Variants in NSD1 observed in about 807,000 individuals in gnomAD.
NSD1 encodes nuclear receptor binding SET domain protein 1, also known as histone-lysine N-methyltransferase, H3 lysine-36 specific.
Under a neutral mutation model 242.7 loss-of-function variants are expected in NSD1, and 26 were observed. The ratio of observed to expected loss-of-function variants is 0.11; its 90% CI spans 0.08 to 0.15. The LOEUF (loss-of-function observed/expected upper bound fraction) is 0.15, where lower values mean the gene tolerates loss of function less well. NSD1 is among the 10% of genes least tolerant of loss of function. NSD1 has a pLI of 1.00. For synonymous variants in NSD1, 1,106 were observed against 1,178.1 expected (o/e 0.94, Z 1.25); for missense variants, 2,495 against 3,272.8 (o/e 0.76, Z 5.80).
In NSD1 at chr5:177,134,952, G is replaced by T; in HGVS notation, c.-17-135G>T. 1.4e-6 allele frequency: 1 copy of T among 728,812 alleles called. No homozygotes were observed. The highest frequency in any genetic ancestry group is 2.3e-6 in the Non-Finnish European group (1 of 433,938). The allele number at this position is 728,812 out of a possible 1,614,324, so 45.1% of individuals were successfully genotyped here. On this transcript the variant is annotated intron_variant, in intron 1 of 22. Transcript: ENST00000439151. The surrounding 1 kb of genome is among the most constrained non-coding windows in gnomAD (Gnocchi z 4.2). Reference sequence around the variant, plus strand: ...CGAGGCCATTTTTTCATCTCCAGTCGGGGGAACTTTTTCTGCCCATGGAAG... The same window carrying T: ...CGAGGCCATTTTTTCATCTCCAGTCTGGGGAACTTTTTCTGCCCATGGAAG...
chr5:177,165,301 T>C (rs929888242), intron 2 of NSD1, among the ~76,000 whole-genome samples: 8 of 151,790 alleles, frequency 5.3e-5, no homozygotes, highest in African/African-American at 1.7e-4. Context: ...CCTCTGTAAC[T>C]GGGATTACAG....
chr5:177,188,246 G>A (rs1383611655), intron 2 of NSD1, among the ~76,000 whole-genome samples: 4 of 152,118 alleles, frequency 2.6e-5, no homozygotes, highest in South Asian at 2.1e-4. Flanking sequence ...TCTTAAAGTC[G>A]TCTTGCTTTT....
At chr5:177,155,788 C>T in intron 2 of NSD1, among the ~76,000 whole-genome samples, 1 of 151,246 alleles carries the variant, frequency 6.6e-6, no homozygotes, top group African/African-American at 2.4e-5. Flanking sequence ...CTGGGTTAAG[C>T]AATTCTTCTG....
intron 17 of NSD1, among the ~76,000 whole-genome samples, chr5:177,277,297 CAT>C (rs1758477876): frequency 6.6e-6 from 1 of 152,076 alleles, no homozygotes; most frequent in South Asian, 2.1e-4. Context: ...TTTTGTGACA[CAT>C]AAAGATGATA....
chr5:177,160,524 A>C (rs1318143923), intron 2 of NSD1, among the ~76,000 whole-genome samples: 1 of 151,822 alleles, frequency 6.6e-6, no homozygotes. Context: ...GCTGGTCTCG[A>C]ACTCCTGACA....
At chr5:177,147,421 C>T (rs1409955827) in intron 2 of NSD1, among the ~76,000 whole-genome samples, 1 of 152,034 alleles carries the variant, frequency 6.6e-6, no homozygotes, top group Non-Finnish European at 1.5e-5. Context: ...CCCTCCATCT[C>T]TAGCCTTTGT....
chr5:177,172,077 T>C (rs758713930), intron 2 of NSD1, among the ~76,000 whole-genome samples: 7 of 152,220 alleles, frequency 4.6e-5, no homozygotes, highest in Non-Finnish European at 1.0e-4. Context: ...TTCCCTAGTT[T>C]ATATAATTGC....
At chr5:177,207,905 AGTGTGTGTGTGT>A (rs145605083) in intron 4 of NSD1, among the ~76,000 whole-genome samples, 16 of 149,360 alleles carry the variant, frequency 1.1e-4, no homozygotes, top group African/African-American at 3.9e-4. Flanking sequence ...ATGTCCAGCT[AGTGTGTGTGTGT>A]GTGTGCGTGT....
intron 2 of NSD1, among the ~76,000 whole-genome samples, chr5:177,152,951 G>A (rs1207135530): frequency 6.6e-6 from 1 of 152,050 alleles, no homozygotes; most frequent in East Asian, 1.9e-4. Context: ...CTCCCAAAGT[G>A]CTGGGATAAC....
chr5:177,162,548 A>C (rs1010779261), intron 2 of NSD1, among the ~76,000 whole-genome samples: 17 of 152,188 alleles, frequency 1.1e-4, no homozygotes, highest in Non-Finnish European at 2.2e-4. Flanking sequence ...GGCATGTGTC[A>C]CCATGCTTTT....
At chr5:177,242,952 A>G (rs1766001220) in intron 8 of NSD1, among the ~76,000 whole-genome samples, 1 of 152,212 alleles carries the variant, frequency 6.6e-6, no homozygotes, top group African/African-American at 2.4e-5. Context: ...TCATAGAAGT[A>G]TATTAGTAGT....
intron 14 of NSD1, chr5:177,266,597 GCACCTACTCCTCTT>G (rs1757493082): frequency 1.5e-6 from 1 of 659,824 alleles, no homozygotes; most frequent in African/African-American, 1.9e-5. Context: ...ATCTTCACCC[GCACCTACTCCTCTT>G]CCGGCCGCCA....
At chr5:177,241,833 A>C (rs1350390169) in intron 8 of NSD1, among the ~76,000 whole-genome samples, 1 of 152,168 alleles carries the variant, frequency 6.6e-6, no homozygotes, top group Non-Finnish European at 1.5e-5. Context: ...ATTCAGTTCC[A>C]TTTTAGTTTA....
At chr5:177,145,554 G>A (rs542095543) in intron 2 of NSD1, among the ~76,000 whole-genome samples, 5 of 152,234 alleles carry the variant, frequency 3.3e-5, no homozygotes, top group East Asian at 3.9e-4. Flanking sequence ...CACCTCAGCC[G>A]CGAATATTTT....
At chr5:177,243,955 C>T (rs535641899) in intron 8 of NSD1, among the ~76,000 whole-genome samples, 1 of 152,204 alleles carries the variant, frequency 6.6e-6, no homozygotes, top group East Asian at 1.9e-4. Flanking sequence ...AGCCTCCTAA[C>T]GTGCTAGGAT....
chr5:177,285,696 A>G (rs1158959560), intron 20 of NSD1, among the ~76,000 whole-genome samples: 1 of 152,160 alleles, frequency 6.6e-6, no homozygotes, highest in African/African-American at 2.4e-5. Context: ...TTATACTCAA[A>G]CTGGGATAGA....
chr5:177,221,619 C>T (rs1488538323), intron 5 of NSD1, among the ~76,000 whole-genome samples: 2 of 151,408 alleles, frequency 1.3e-5, no homozygotes, highest in East Asian at 2.0e-4. Flanking sequence ...TACAGGCATG[C>T]GCCACCATGC....
At position 177,204,226 on chromosome 5, in the gene NSD1, T is replaced by C; in HGVS notation, c.1170T>C (p.His390=). 1 of 1,613,978 alleles carries C rather than the reference T, an allele frequency of 6.2e-7. No homozygotes were observed. The highest frequency in any genetic ancestry group is 8.5e-7 in the Non-Finnish European group (1 of 1,179,988). The change falls in exon 4 of 23, where the codon CAT becomes CAC. Residue 390 remains histidine, a synonymous_variant. Transcript: ENST00000439151. The stretch of plus-strand genomic sequence containing the variant: ...CAATCGTCATGTTTGAAGGCAGACA[T>C]CAATTCGAAGAGCTACCTGTCCTTA... ...GKAIVMFEGR[H]QFEELPVLRR...
At chr5:177,271,361 G>A (rs1757929969) in intron 16 of NSD1, among the ~76,000 whole-genome samples, 1 of 152,108 alleles carries the variant, frequency 6.6e-6, no homozygotes, top group African/African-American at 2.4e-5. Flanking sequence ...GCCAGACCCT[G>A]TTCTGTGTTT....
Sources: gnomAD v4.1 joint callset for allele counts (sites outside exome capture counted in the v4.1 genomes callset) on GRCh38, gnomAD v4.1.1 for gene constraint, Gnocchi (gnomAD v3.1) non-coding constraint, MANE v1.5 for transcripts, NCBI Gene and HGNC (gene_info 2026-07-23, HGNC 2026-07-21) for gene names.